The following FARS2 variants were observed in gnomAD, a reference collection of about 807,000 sequenced individuals.
FARS2 encodes phenylalanyl-tRNA synthetase 2, mitochondrial, also known as phenylalanine--tRNA ligase, mitochondrial.
Under a neutral mutation model 46.4 loss-of-function variants are expected in FARS2, and 40 were observed. The observed-to-expected ratio is 0.86, with a 90% CI of 0.67 to 1.12. The LOEUF is 1.12. Ranked by LOEUF, FARS2 falls within the 50% of genes most tolerant of loss-of-function variation. FARS2 has a pLI of 0.00. For missense variants in FARS2, 513 were observed against 567.9 expected (o/e 0.90, Z 0.98); for synonymous variants, 234 against 214.9 (o/e 1.09, Z -0.78).
chr6:5,586,009 A>AT (rs899183716), intron 5 of FARS2, among the ~76,000 whole-genome samples: 1 of 151,794 alleles, frequency 6.6e-6, no homozygotes, highest in Non-Finnish European at 1.5e-5. Context: ...TTCCATAATG[A>AT]TTTTTTTTCA....
intron 5 of FARS2, among the ~76,000 whole-genome samples, chr6:5,594,787 G>C (rs1475881513): frequency 6.6e-6 from 1 of 152,188 alleles, no homozygotes; most frequent in Non-Finnish European, 1.5e-5. Context: ...GACAGGGGCT[G>C]TGCTGGCATC....
At chr6:5,310,073 C>A (rs750062579) in intron 1 of FARS2, among the ~76,000 whole-genome samples, 1 of 151,966 alleles carries the variant, frequency 6.6e-6, no homozygotes, top group South Asian at 2.1e-4. Context: ...CTGAAATGGA[C>A]CTGAAATTAG....
rs185215819 is a variant in FARS2, at chr6:5,580,461, A to G, written c.1066-32708A>G. On this transcript the variant is annotated intron_variant, in intron 5 of 6. Coordinates refer to ENST00000274680, the MANE Select transcript of FARS2 (RefSeq NM_006567.5). ...TTATTATACTGTAGTCTGGTCAACC[A>G]GAAAAACAACCACACAGAAACAAGG... Among the ~76,000 whole-genome samples the G allele has an allele frequency of 8.1e-3, 1,238 of 152,258 alleles. 9 individuals are homozygous for G. The highest frequency in any genetic ancestry group is 0.015 in the South Asian group (73 of 4,812).
At chr6:5,738,002 G>A (rs1324079049) in intron 6 of FARS2, among the ~76,000 whole-genome samples, 2 of 152,228 alleles carry the variant, frequency 1.3e-5, no homozygotes, top group African/African-American at 4.8e-5. Flanking sequence ...CCACGCTGGA[G>A]TGCAGTGGTG....
intron 6 of FARS2, among the ~76,000 whole-genome samples, chr6:5,645,727 A>G (rs894085069): frequency 6.6e-6 from 1 of 152,158 alleles, no homozygotes; most frequent in Non-Finnish European, 1.5e-5. Flanking sequence ...TGGCAAATGT[A>G]TTGTCTGGCA....
At chr6:5,328,717 C>T (rs1446775960) in intron 1 of FARS2, among the ~76,000 whole-genome samples, 3 of 151,946 alleles carry the variant, frequency 2.0e-5, no homozygotes. Context: ...GATTTCAAGG[C>T]AAATTGAGTT....
At chr6:5,680,337 C>T (rs957451338) in intron 6 of FARS2, among the ~76,000 whole-genome samples, 4 of 152,144 alleles carry the variant, frequency 2.6e-5, no homozygotes, top group Admixed American at 6.5e-5. Flanking sequence ...CCATGGGTTA[C>T]GCATAAGCAT....
At chr6:5,741,567 A>G (rs72821914) in intron 6 of FARS2, among the ~76,000 whole-genome samples, 12,606 of 152,250 alleles carry the variant, frequency 0.083, 702 homozygotes, top group South Asian at 0.12. Flanking sequence ...TGGGGTCTAT[A>G]ACCCCTGTGG....
chr6:5,479,274 T>C (rs1051326511), intron 4 of FARS2, among the ~76,000 whole-genome samples: 3 of 152,240 alleles, frequency 2.0e-5, no homozygotes, highest in African/African-American at 2.4e-5. Context: ...GTTGGGTGTG[T>C]GCCCTCTTTC....
intron 1 of FARS2, among the ~76,000 whole-genome samples, chr6:5,341,294 A>C (rs1214853824): frequency 8.3e-6 from 1 of 121,054 alleles, no homozygotes; most frequent in African/African-American, 3.1e-5. Context: ...AACTGTGAGA[A>C]ACTTTTCCTG....
At chr6:5,468,584 G>A (rs1273229920) in intron 4 of FARS2, among the ~76,000 whole-genome samples, 1 of 152,166 alleles carries the variant, frequency 6.6e-6, no homozygotes, top group Non-Finnish European at 1.5e-5. Context: ...GTTTCAAAGA[G>A]GGCCATTTCA....
At chr6:5,318,013 C>T (rs938783831) in intron 1 of FARS2, among the ~76,000 whole-genome samples, 15 of 152,086 alleles carry the variant, frequency 9.9e-5, no homozygotes, top group African/African-American at 3.4e-4. Context: ...AGTTCATGAG[C>T]CACGTGTCTC....
chr6:5,310,281 A>G (rs1249545516), intron 1 of FARS2, among the ~76,000 whole-genome samples: 7 of 152,202 alleles, frequency 4.6e-5, no homozygotes, highest in Admixed American at 1.3e-4. Context: ...TATAATTTCT[A>G]TAAGAAAACA....
chr6:5,314,927 G>C (rs936715996), intron 1 of FARS2, among the ~76,000 whole-genome samples: 4 of 152,180 alleles, frequency 2.6e-5, no homozygotes, highest in African/African-American at 9.7e-5. Context: ...TGAGAAAGAA[G>C]TATAACCTCT....
At chr6:5,384,197 G>C (rs528800968) in intron 2 of FARS2, among the ~76,000 whole-genome samples, 1 of 152,274 alleles carries the variant, frequency 6.6e-6, no homozygotes, top group South Asian at 2.1e-4. Context: ...TGAAATTTCT[G>C]ATTCTCTGTA....
intron 4 of FARS2, among the ~76,000 whole-genome samples, chr6:5,444,028 T>C (rs77130001): frequency 0.01 from 1,563 of 151,666 alleles, 22 homozygotes; most frequent in African/African-American, 0.036. Flanking sequence ...CAGACAGGGA[T>C]TGGTGGTGGG....
At chr6:5,466,966 GA>G in intron 4 of FARS2, 1 of 985,420 alleles carries the variant, frequency 1.0e-6, no homozygotes, top group African/African-American at 1.7e-5. Context: ...GGAATGATAA[GA>G]GGCACATATT....
intron 6 of FARS2, among the ~76,000 whole-genome samples, chr6:5,679,242 C>G (rs1295112224): frequency 6.6e-6 from 1 of 152,162 alleles, no homozygotes; most frequent in Admixed American, 6.5e-5. Flanking sequence ...GTGATACCCT[C>G]TATATCCTGA....
chr6:5,360,141 C>T (rs1431699493), intron 1 of FARS2, among the ~76,000 whole-genome samples: 1 of 152,192 alleles, frequency 6.6e-6, no homozygotes, highest in Non-Finnish European at 1.5e-5. Context: ...CATTTTCTCC[C>T]AGGCATTTCA....
Sources: gnomAD v4.1 joint callset for allele counts (sites outside exome capture counted in the v4.1 genomes callset) on GRCh38, gnomAD v4.1.1 for gene constraint, MANE v1.5 for transcripts, NCBI Gene and HGNC (gene_info 2026-07-23, HGNC 2026-07-21) for gene names.